The following PBX1 variants were observed in gnomAD, a reference collection of about 807,000 sequenced individuals.
PBX1 encodes PBX homeobox 1.
Under a neutral mutation model 53.4 loss-of-function variants are expected in PBX1, and 6 were observed. The ratio of observed to expected loss-of-function variants is 0.11; its 90% CI spans 0.06 to 0.22. The LOEUF (loss-of-function observed/expected upper bound fraction) is 0.22. Ranked by LOEUF, PBX1 falls within the 10% of genes least tolerant of loss-of-function variation. The pLI is 1.00. For missense variants in PBX1, 251 were observed against 551.4 expected (o/e 0.46, Z 5.46); for synonymous variants, 204 against 212.3 (o/e 0.96, Z 0.34).
intron 2 of PBX1, among the ~76,000 whole-genome samples, chr1:164,634,310 T>G (rs983891561): frequency 6.6e-6 from 1 of 152,230 alleles, no homozygotes; most frequent in Non-Finnish European, 1.5e-5. Context: ...TGCAGTGCCC[T>G]GCCTGGCCCC....
intron 7 of PBX1, among the ~76,000 whole-genome samples, chr1:164,820,716 A>C (rs1467915595): frequency 6.6e-6 from 1 of 152,220 alleles, no homozygotes; most frequent in Non-Finnish European, 1.5e-5. Flanking sequence ...TGATGAGTAG[A>C]AGTCCACATT....
chr1:164,698,051 C>T (rs1234683305), intron 2 of PBX1, among the ~76,000 whole-genome samples: 3 of 152,054 alleles, frequency 2.0e-5, no homozygotes, highest in African/African-American at 7.3e-5. Flanking sequence ...TTTCTAGTGT[C>T]GGGCTCTTCT....
intron 2 of PBX1, among the ~76,000 whole-genome samples, chr1:164,569,143 G>A (rs1406521466): frequency 6.6e-6 from 1 of 152,126 alleles, no homozygotes; most frequent in Non-Finnish European, 1.5e-5. Context: ...CCATAGAAAA[G>A]TTGCTTAAAT....
In PBX1 at chr1:164,851,079, T is replaced by C. The variant is rs979763801; in HGVS notation, c.*4403T>C. The C allele has an allele frequency of 1.8e-5, 4 of 223,804 alleles. No homozygotes were observed. Among genetic ancestry groups the C allele is most frequent in the African/African-American group, 6.7e-5 (3 of 44,794 alleles). 13.9% of individuals were successfully genotyped at this position (223,804 alleles called of 1,614,324 possible). On this transcript the variant is annotated 3_prime_UTR_variant, in exon 9 of 9. Coordinates refer to ENST00000420696, the MANE Select transcript of PBX1 (RefSeq NM_002585.4). Reference sequence around the variant, plus strand: ...GAGTTAATGAGATATTGGGCCAGGCTCAATGCTGTAGTTTTAATGCTAAGA... The same window carrying C: ...GAGTTAATGAGATATTGGGCCAGGCCCAATGCTGTAGTTTTAATGCTAAGA...
intron 2 of PBX1, among the ~76,000 whole-genome samples, chr1:164,758,835 C>T (rs1271991216): frequency 6.6e-6 from 1 of 152,092 alleles, no homozygotes; most frequent in Admixed American, 6.5e-5. Context: ...CACCTAGCAT[C>T]GTGTCTGGCA....
chr1:164,774,676 A>C (rs1263072505), intron 2 of PBX1: 3 of 152,156 alleles, frequency 2.0e-5, no homozygotes. Context: ...TAACTTCAAG[A>C]TTTTCCAAAG....
chr1:164,741,349 AAGAATGTC>A (rs1444445636), intron 2 of PBX1, among the ~76,000 whole-genome samples: 2 of 152,186 alleles, frequency 1.3e-5, no homozygotes, highest in African/African-American at 4.8e-5. Flanking sequence ...CATTATTCCA[AAGAATGTC>A]AGACAGATTT....
intron 5 of PBX1, among the ~76,000 whole-genome samples, chr1:164,809,102 T>A (rs1406318067): frequency 6.6e-6 from 1 of 152,178 alleles, no homozygotes; most frequent in Admixed American, 6.5e-5. Context: ...GCAGCAAATA[T>A]CAAATCACTG....
chr1:164,688,529 T>G (rs1662260073), intron 2 of PBX1, among the ~76,000 whole-genome samples: 1 of 152,190 alleles, frequency 6.6e-6, no homozygotes, highest in Non-Finnish European at 1.5e-5. Flanking sequence ...TCTAATCCTT[T>G]GCAAGATGGA....
chr1:164,587,457 G>A (rs1028748835), intron 2 of PBX1, among the ~76,000 whole-genome samples: 1 of 151,974 alleles, frequency 6.6e-6, no homozygotes, highest in African/African-American at 2.4e-5. Context: ...CCTTTTGTCG[G>A]GTGAGGAGCC....
At chr1:164,695,794 A>G (rs1662768902) in intron 2 of PBX1, among the ~76,000 whole-genome samples, 1 of 152,214 alleles carries the variant, frequency 6.6e-6, no homozygotes, top group Non-Finnish European at 1.5e-5. Context: ...AACTTAATAG[A>G]TAAAAGCGAG....
At chr1:164,679,378 G>A (rs149612457) in intron 2 of PBX1, among the ~76,000 whole-genome samples, 2 of 152,322 alleles carry the variant, frequency 1.3e-5, no homozygotes, top group East Asian at 3.9e-4. Context: ...AGTGGGAGCA[G>A]TCTACTGGGT....
chr1:164,819,679 C>A (rs1670052587), intron 6 of PBX1: 1 of 163,038 alleles, frequency 6.1e-6, no homozygotes, highest in Non-Finnish European at 1.3e-5. Flanking sequence ...GCAGAAGTAC[C>A]AGTGACCAGC....
intron 2 of PBX1, among the ~76,000 whole-genome samples, chr1:164,676,421 G>A (rs957219492): frequency 7.2e-5 from 11 of 152,172 alleles, no homozygotes; most frequent in African/African-American, 2.7e-4. Context: ...GAGGGCCAAA[G>A]CGTCAAACCA....
chr1:164,727,954 G>A (rs552261164), intron 2 of PBX1, among the ~76,000 whole-genome samples: 7 of 152,320 alleles, frequency 4.6e-5, no homozygotes, highest in African/African-American at 1.7e-4. Flanking sequence ...CAGAGGATAT[G>A]AGAAAAGAAA....
At chr1:164,748,314 C>CCTGCTGGCTT (rs1479217638) in intron 2 of PBX1, among the ~76,000 whole-genome samples, 2 of 152,122 alleles carry the variant, frequency 1.3e-5, no homozygotes, top group African/African-American at 2.4e-5. Flanking sequence ...CCTCACGTTT[C>CCTGCTGGCTT]CTGCTGGCTT....
At chr1:164,767,062 A>G (rs1667097490) in intron 2 of PBX1, among the ~76,000 whole-genome samples, 1 of 152,018 alleles carries the variant, frequency 6.6e-6, no homozygotes, top group Non-Finnish European at 1.5e-5. Context: ...ATTTTCAGGA[A>G]GTGTCATAAA....
chr1:164,662,984 T>C (rs1445157658), intron 2 of PBX1, among the ~76,000 whole-genome samples: 1 of 152,228 alleles, frequency 6.6e-6, no homozygotes, highest in African/African-American at 2.4e-5. Context: ...ACAAATGTTT[T>C]GATGATATCA....
intron 8 of PBX1, among the ~76,000 whole-genome samples, chr1:164,839,080 C>T (rs1671174245): frequency 6.6e-6 from 1 of 152,186 alleles, no homozygotes; most frequent in Non-Finnish European, 1.5e-5. Flanking sequence ...TTCTTTGAGT[C>T]CCTTGGAGAC....
Sources: gnomAD v4.1 joint callset for allele counts (sites outside exome capture counted in the v4.1 genomes callset) on GRCh38, gnomAD v4.1.1 for gene constraint, MANE v1.5 for transcripts, NCBI Gene and HGNC (gene_info 2026-07-23, HGNC 2026-07-21) for gene names.